Variants in MAD1L1 observed in about 807,000 individuals in gnomAD.
MAD1L1 encodes the protein mitotic arrest deficient 1 like 1, also known as mitotic spindle assembly checkpoint protein MAD1.
A neutral mutation model predicts 96.9 loss-of-function variants in MAD1L1; 95 were observed. The observed-to-expected ratio is 0.98, with a 90% CI of 0.83 to 1.16. MAD1L1 has a LOEUF of 1.16. Ranked by LOEUF, MAD1L1 falls within the 50% of genes most tolerant of loss-of-function variation. The probability of loss-of-function intolerance (pLI) is 0.00; values close to 1 mark genes in which losing one functional copy is unlikely to be tolerated. For synonymous variants in MAD1L1, 473 were observed against 396.6 expected (o/e 1.19, Z -2.29); for missense variants, 1,007 against 954.4 (o/e 1.06, Z -0.73).
intron 3 of MAD1L1, among the ~76,000 whole-genome samples, chr7:2,228,310 G>A (rs2115025174): frequency 6.6e-6 from 1 of 152,342 alleles, no homozygotes; most frequent in Non-Finnish European, 1.5e-5. Context: ...CACCCGGGCT[G>A]GAGTGCAGTG....
At chr7:2,157,500 G>A (rs1035564619) in intron 10 of MAD1L1, among the ~76,000 whole-genome samples, 13 of 152,278 alleles carry the variant, frequency 8.5e-5, no homozygotes, top group East Asian at 1.9e-4. Context: ...TGGGAGAGCC[G>A]GTCCCCTACA....
intron 11 of MAD1L1, among the ~76,000 whole-genome samples, chr7:2,110,844 A>G (rs1347196876): frequency 6.6e-6 from 1 of 152,168 alleles, no homozygotes; most frequent in Non-Finnish European, 1.5e-5. Flanking sequence ...ACAGGACAAC[A>G]GCCGTCTGCG....
At chr7:2,123,191 T>A (rs1309570515) in intron 11 of MAD1L1, among the ~76,000 whole-genome samples, 1 of 151,398 alleles carries the variant, frequency 6.6e-6, no homozygotes, top group African/African-American at 2.4e-5. Flanking sequence ...TAGTCTCAGC[T>A]ACTCGGGAGG....
At chr7:2,215,306 A>G (rs1476072169) in intron 9 of MAD1L1, among the ~76,000 whole-genome samples, 1 of 138,878 alleles carries the variant, frequency 7.2e-6, no homozygotes, top group African/African-American at 2.7e-5. Context: ...TGTACCCGGG[A>G]GGCGGAGGTT....
chr7:1,840,054 G>C (rs1783162687), intron 18 of MAD1L1, among the ~76,000 whole-genome samples: 1 of 152,226 alleles, frequency 6.6e-6, no homozygotes, highest in Non-Finnish European at 1.5e-5. Flanking sequence ...ACATGGGCGA[G>C]GGCCAGACGA....
At chr7:2,038,903 T>G (rs1338328018) in intron 12 of MAD1L1, among the ~76,000 whole-genome samples, 1 of 152,122 alleles carries the variant, frequency 6.6e-6, no homozygotes, top group East Asian at 1.9e-4. Context: ...ATCCAGTTCC[T>G]CCCAATAGCA....
At chr7:1,976,558 G>T (rs1780648704) in intron 15 of MAD1L1, among the ~76,000 whole-genome samples, 1 of 152,256 alleles carries the variant, frequency 6.6e-6, no homozygotes, top group African/African-American at 2.4e-5. Flanking sequence ...GCAGCAGCAA[G>T]ATTTACTGCG....
intron 12 of MAD1L1, among the ~76,000 whole-genome samples, chr7:2,063,370 A>G (rs7785626): frequency 0.69 from 105,606 of 152,100 alleles, 37,021 homozygotes; most frequent in South Asian, 0.78. Flanking sequence ...ACCATCAGGG[A>G]AGATCAGGGC....
At chr7:2,160,327 C>CT (rs1200519930) in intron 10 of MAD1L1, among the ~76,000 whole-genome samples, 52 of 134,502 alleles carry the variant, frequency 3.9e-4, no homozygotes, top group South Asian at 5.0e-4. Flanking sequence ...CCACTGGATC[C>CT]TATTTTTTTT....
chr7:2,160,988 T>G (rs563649032), intron 10 of MAD1L1, among the ~76,000 whole-genome samples: 247 of 152,234 alleles, frequency 1.6e-3, no homozygotes, highest in Non-Finnish European at 2.7e-3. Flanking sequence ...AACAATTCTA[T>G]CATTCCTAAC....
chr7:2,115,615 C>G (rs11770254), intron 11 of MAD1L1, among the ~76,000 whole-genome samples: 55,043 of 150,146 alleles, frequency 0.37, 10,705 homozygotes, highest in East Asian at 0.5. Context: ...CGCGTGTTCC[C>G]CGGTCACAGG....
intron 11 of MAD1L1, among the ~76,000 whole-genome samples, chr7:2,073,877 G>C (rs553031071): frequency 2.6e-5 from 4 of 152,338 alleles, no homozygotes; most frequent in Admixed American, 2.0e-4. Flanking sequence ...GTGGGCAGCA[G>C]AGAGACACCC....
At chr7:1,846,750 C>A (rs924247097) in intron 18 of MAD1L1, 4 of 168,090 alleles carry the variant, frequency 2.4e-5, no homozygotes, top group Non-Finnish European at 2.6e-5. Flanking sequence ...CAGACGCCCC[C>A]CCACCGCTCC....
chr7:1,873,093 G>A (rs957759281), intron 18 of MAD1L1, among the ~76,000 whole-genome samples: 1 of 152,256 alleles, frequency 6.6e-6, no homozygotes, highest in African/African-American at 2.4e-5. Context: ...CCGAGCCGTG[G>A]AGGAGCGGGG....
intron 9 of MAD1L1, among the ~76,000 whole-genome samples, 165 bp downstream of exon 9, chr7:2,215,720 A>G (rs1793232870): frequency 6.6e-6 from 1 of 152,212 alleles, no homozygotes; most frequent in South Asian, 2.1e-4. Flanking sequence ...ACAGGCTCTG[A>G]GGATGAGGCA....
At chr7:1,855,705 C>T (rs1402449769) in intron 18 of MAD1L1, among the ~76,000 whole-genome samples, 4 of 152,204 alleles carry the variant, frequency 2.6e-5, no homozygotes, top group African/African-American at 9.6e-5. Flanking sequence ...CTCCTCCCTT[C>T]CTCCTGAGCC....
In MAD1L1 at chr7:2,091,287, G is replaced by A. The variant is rs150825760; in HGVS notation, c.1074-21949C>T. Among the ~76,000 whole-genome samples, 248 of 151,640 alleles carry A rather than the reference G, an allele frequency of 1.6e-3. 3 individuals carry two copies. In the East Asian group the frequency reaches 0.044, roughly 27 times the overall value. Reference sequence around the variant, plus strand: ...GAACAGTGCTTGGAAGCCCTGCTCTGGGCCCCGGTCAGCTCCCTGTTGCTG... The same window carrying A: ...GAACAGTGCTTGGAAGCCCTGCTCTAGGCCCCGGTCAGCTCCCTGTTGCTG... On this transcript the variant is annotated intron_variant, in intron 11 of 18. Coordinates refer to ENST00000265854, the MANE Select transcript of MAD1L1 (RefSeq NM_001013836.2).
chr7:1,945,565 C>CAA (rs1779191820), intron 16 of MAD1L1, among the ~76,000 whole-genome samples: 2 of 152,208 alleles, frequency 1.3e-5, no homozygotes, highest in Admixed American at 6.5e-5. Context: ...AGAGGTGCTG[C>CAA]TGCTGCTGGG....
intron 17 of MAD1L1, among the ~76,000 whole-genome samples, chr7:1,911,050 G>T (rs1216196884): frequency 6.7e-6 from 1 of 149,768 alleles, no homozygotes; most frequent in Admixed American, 6.7e-5. Flanking sequence ...CTGATTAGCC[G>T]TGAGGATTCA....
Sources: allele counts gnomAD v4.1 joint callset (sites outside exome capture counted in the v4.1 genomes callset), GRCh38; gene constraint gnomAD v4.1.1; transcripts MANE v1.5; gene names NCBI Gene and HGNC (gene_info 2026-07-23, HGNC 2026-07-21).